FOXN1: variants seen among roughly 807,000 people sequenced by gnomAD.
The protein encoded by FOXN1 is forkhead box N1.
In FOXN1, 15 loss-of-function variants were observed where a neutral mutation model predicts 49.0. The ratio of observed to expected loss-of-function variants is 0.31; its 90% CI spans 0.20 to 0.47. FOXN1 has a LOEUF of 0.47. FOXN1 is among the 20% of genes least tolerant of loss of function. FOXN1 has a pLI of 1.00. For missense variants in FOXN1, 800 were observed against 842.8 expected, an observed-to-expected ratio of 0.95 and a Z score of 0.63; for synonymous variants, 356 against 369.0, an observed-to-expected ratio of 0.96 and a Z score of 0.40.
At chr17:28,507,354 C>G (rs1555606284) in intron 1 of FOXN1, among the ~76,000 whole-genome samples, 1 of 152,202 alleles carries the variant, frequency 6.6e-6, no homozygotes, top group Non-Finnish European at 1.5e-5. Flanking sequence ...AGAGTAGACT[C>G]TAGCAAGTGG....
chr17:28,531,913 A>G (rs963137081), intron 6 of FOXN1, among the ~76,000 whole-genome samples: 1 of 152,164 alleles, frequency 6.6e-6, no homozygotes, highest in Non-Finnish European at 1.5e-5. Context: ...TGGTCTGTCC[A>G]GGAGTGGAAA....
Position 28,537,594 on chromosome 17 carries a change from A to G in FOXN1, c.*158A>G. ...TGTCAGCTGGTAGCTGGGGGCGCAG[A>G]GGACATCACCTGGGGTGCTGCCTCT... On this transcript the variant is annotated 3_prime_UTR_variant, in exon 9 of 9. Transcript: ENST00000579795. 1 of 694,916 alleles carries G rather than the reference A, an allele frequency of 1.4e-6. No homozygotes were observed. The highest frequency in any genetic ancestry group is 2.7e-5 in the East Asian group (1 of 37,020). 43.0% of individuals were successfully genotyped at this position (694,916 alleles called of 1,614,324 possible).
At chr17:28,530,641 C>CA in intron 5 of FOXN1, 108 bp from the exon 6 acceptor site, 1 of 746,464 alleles carries the variant, frequency 1.3e-6, no homozygotes, top group East Asian at 2.5e-5. Context: ...TCATTCCCTT[C>CA]TCTTTCACCT....
intron 1 of FOXN1, among the ~76,000 whole-genome samples, chr17:28,514,527 G>T (rs1392566315): frequency 6.6e-6 from 1 of 152,074 alleles, no homozygotes; most frequent in South Asian, 2.1e-4. Flanking sequence ...CAAGCCTCAG[G>T]CAGAGCCCCC....
intron 1 of FOXN1, among the ~76,000 whole-genome samples, chr17:28,513,899 G>T (rs2069442451): frequency 6.6e-6 from 1 of 152,170 alleles, no homozygotes; most frequent in Non-Finnish European, 1.5e-5. Context: ...AAGGGGTGCT[G>T]GGCAAAGGAG....
At position 28,524,604 on chromosome 17, in the gene FOXN1, C is replaced by G. The variant is rs138510671; in HGVS notation, c.225C>G (p.Pro75=). The change falls in exon 3 of 9, where the codon CCC becomes CCG. Residue 75 remains proline, a synonymous_variant. Coordinates refer to ENST00000579795, the MANE Select transcript of FOXN1 (RefSeq NM_001369369.1). ...GCCCCCGCATTGCGTCACCAGGGCC[C>G]GAGCAAGTCCAGGGCCACTGCCCAG... is the stretch of plus-strand genomic sequence containing the variant. ...PHSPRIASPG[P]EQVQGHCPAG... 4.4e-5 allele frequency: 71 copies of G among 1,613,488 alleles called. No individual in the cohort carries two copies. In the African/African-American group the frequency reaches 6.9e-4, roughly 16 times the overall value.
rs371766542 is a variant in FOXN1 at position 28,530,791 on chromosome 17, C to T, written c.873C>T (p.Ser291=). The stretch of plus-strand genomic sequence containing the variant: ...CCCTTAAGAACAGTAAAACTGGGAG[C>T]CTTCCCGTCAGCGAGATCTACAATT... The part of the protein sequence containing the change: ...FMALKNSKTG[S]LPVSEIYNFM... Residue 291 remains serine, a synonymous_variant, in exon 6 of 9, where the codon AGC becomes AGT. Transcript: ENST00000579795. The T allele has an allele frequency of 1.2e-5, 19 of 1,596,676 alleles. 1 individual carries two copies. In the African/African-American group the frequency reaches 1.9e-4, roughly 16 times the overall value.
intron 1 of FOXN1, among the ~76,000 whole-genome samples, chr17:28,518,552 G>A (rs1409734489): frequency 6.6e-6 from 1 of 152,170 alleles, no homozygotes; most frequent in Non-Finnish European, 1.5e-5. Flanking sequence ...TGATCCTGTT[G>A]TCAGCCTTTC....
chr17:28,519,450 G>A (rs771668109), intron 1 of FOXN1, among the ~76,000 whole-genome samples: 14 of 152,164 alleles, frequency 9.2e-5, no homozygotes, highest in Non-Finnish European at 1.6e-4. Flanking sequence ...GAAGCAGGTG[G>A]TTGTGGGTTG....
chr17:28,526,573 G>C (rs928175755), intron 3 of FOXN1, among the ~76,000 whole-genome samples: 1 of 152,230 alleles, frequency 6.6e-6, no homozygotes, highest in Non-Finnish European at 1.5e-5. Flanking sequence ...AGCAGCAGCT[G>C]CAGGCTCCCC....
chr17:28,515,796 A>G (rs2069481560), intron 1 of FOXN1, among the ~76,000 whole-genome samples: 1 of 150,376 alleles, frequency 6.6e-6, no homozygotes, highest in Non-Finnish European at 1.5e-5. Context: ...CCAAAGGTGA[A>G]CACCATTCCC....
At chr17:28,512,153 T>C (rs576766924) in intron 1 of FOXN1, among the ~76,000 whole-genome samples, 30 of 152,338 alleles carry the variant, frequency 2.0e-4, no homozygotes, top group African/African-American at 7.0e-4. Context: ...AGGAAGCTTG[T>C]TGAGGAGGGA....
intron 1 of FOXN1, among the ~76,000 whole-genome samples, chr17:28,507,015 C>T (rs1405772418): frequency 2.0e-5 from 3 of 152,210 alleles, no homozygotes; most frequent in Admixed American, 6.5e-5. Flanking sequence ...GCGAAGCAGA[C>T]AGGTGGCAAA....
At chr17:28,520,132 T>C (rs2069609945) in intron 1 of FOXN1, among the ~76,000 whole-genome samples, 1 of 152,214 alleles carries the variant, frequency 6.6e-6, no homozygotes. Flanking sequence ...TTAAGCATCA[T>C]GCCCAACCAA....
At position 28,529,115 on chromosome 17, in the gene FOXN1, T is replaced by C. The variant is rs200736487; in HGVS notation, c.721T>C (p.Tyr241His). Residue 241 changes from tyrosine to histidine, a missense_variant, in exon 5 of 9, where the codon TAC becomes CAC. Tyr to His is a moderately conservative substitution (Grantham distance 83). Transcript: ENST00000579795. Reference protein sequence around the residue: ...FHQYSPGGGSYPIPYLGSSHY... With the variant: ...FHQYSPGGGSHPIPYLGSSHY... ...TCAGTACTCGCCAGGTGGTGGCAGC[T>C]ACCCCATACCCTACCTGGGCTCCTC... is the stretch of plus-strand genomic sequence containing the variant. 31 of 1,613,992 alleles carry C rather than the reference T, an allele frequency of 1.9e-5. No individual in the cohort carries two copies. Among genetic ancestry groups the C allele is most frequent in the Non-Finnish European group, 2.4e-5 (28 of 1,179,992 alleles).
chr17:28,513,415 A>C (rs1231880412), intron 1 of FOXN1, among the ~76,000 whole-genome samples: 1 of 152,262 alleles, frequency 6.6e-6, no homozygotes, highest in Non-Finnish European at 1.5e-5. Flanking sequence ...ACATTCATCT[A>C]TCTGTCTGTT....
Position 28,529,235 on chromosome 17 carries a change from C to T in FOXN1, c.830+11C>T. ...CATCTATTCCTACAGGTACATTTCC[C>T]ACTCTCCAGGGATGGGAGGAGGAGG... is the stretch of plus-strand genomic sequence containing the variant. On this transcript the variant is annotated intron_variant, in intron 5 of 8. Coordinates refer to ENST00000579795, the MANE Select transcript of FOXN1 (RefSeq NM_001369369.1). The T allele has an allele frequency of 6.2e-7, 1 of 1,614,088 alleles. No homozygotes were observed. Among genetic ancestry groups the T allele is most frequent in the Non-Finnish European group, 8.5e-7 (1 of 1,179,970 alleles).
At chr17:28,511,277 G>T (rs1243872731) in intron 1 of FOXN1, among the ~76,000 whole-genome samples, 1 of 152,196 alleles carries the variant, frequency 6.6e-6, no homozygotes, top group Non-Finnish European at 1.5e-5. Context: ...ATTATTAGTA[G>T]TGGTGGCAGA....
At chr17:28,523,518 T>C (rs553620227) in intron 1 of FOXN1, among the ~76,000 whole-genome samples, 62 of 152,274 alleles carry the variant, frequency 4.1e-4, no homozygotes, top group African/African-American at 1.4e-3. Flanking sequence ...GACCACCGAC[T>C]TGCCCAGTCA....
Sources: allele counts gnomAD v4.1 joint callset (sites outside exome capture counted in the v4.1 genomes callset), GRCh38; gene constraint gnomAD v4.1.1; transcripts MANE v1.5; gene names NCBI Gene and HGNC (gene_info 2026-07-23, HGNC 2026-07-21).